Variants in PNPT1 observed in about 807,000 individuals in gnomAD.
PNPT1 encodes polyribonucleotide nucleotidyltransferase 1.
A neutral mutation model predicts 119.5 loss-of-function variants in PNPT1; 53 were observed. The observed-to-expected ratio is 0.44, with a 90% CI of 0.36 to 0.56. PNPT1 has a LOEUF of 0.56. Ranked by LOEUF, PNPT1 falls within the 20% of genes least tolerant of loss-of-function variation. The pLI is 0.00. For synonymous variants in PNPT1, 357 were observed against 322.1 expected, an observed-to-expected ratio of 1.11 and a Z score of -1.16; for missense variants, 948 against 938.5, an observed-to-expected ratio of 1.01 and a Z score of -0.13.
chr2:55,657,752 G>A (rs1005123660), intron 15 of PNPT1, among the ~76,000 whole-genome samples: 2 of 151,206 alleles, frequency 1.3e-5, no homozygotes, highest in African/African-American at 2.4e-5. Flanking sequence ...GAAATAGAGA[G>A]GGGGGAGGAA....
At chr2:55,662,872 G>C (rs1021957924) in intron 13 of PNPT1, among the ~76,000 whole-genome samples, 1 of 144,660 alleles carries the variant, frequency 6.9e-6, no homozygotes, top group Non-Finnish European at 1.5e-5. Flanking sequence ...TGGATTAGCA[G>C]ACAAAAGATT....
chr2:55,683,353 G>A lies in PNPT1; in HGVS notation c.453+432C>T, dbSNP rs149793136. On this transcript the variant is annotated intron_variant, in intron 5 of 27. Transcript: ENST00000447944. Reference sequence around the variant, plus strand: ...CTTTTGGCCAGGCACAGTGGCTCACGCCTGTAATCCTAGCACTTTGGGAGG... The same window carrying A: ...CTTTTGGCCAGGCACAGTGGCTCACACCTGTAATCCTAGCACTTTGGGAGG... 2.6e-5 allele frequency among the ~76,000 whole-genome samples: 4 copies of A among 152,226 alleles called. No individual in the cohort carries two copies. In the South Asian group the frequency reaches 6.2e-4, roughly 24 times the overall value.
intron 8 of PNPT1, among the ~76,000 whole-genome samples, chr2:55,673,814 T>C (rs1696985238): frequency 6.6e-6 from 1 of 152,152 alleles, no homozygotes; most frequent in African/African-American, 2.4e-5. Context: ...TTTGCCAAAG[T>C]GACTTTAGGT....
chr2:55,684,935 T>C lies in PNPT1; in HGVS notation c.403+8A>G, dbSNP rs1285927108. On this transcript the variant is annotated splice_region_variant and intron_variant, in intron 4 of 27. Transcript: ENST00000447944. ...GAGAAGATGAACGCCTCTATGTTAA[T>C]ATCTTACCTATTATTCGACTTGTTA... 6.4e-7 allele frequency: 1 copy of C among 1,557,692 alleles called. No homozygotes were observed. Among genetic ancestry groups the C allele is most frequent in the Non-Finnish European group, 8.7e-7 (1 of 1,143,186 alleles).
chr2:55,658,513 T>A (rs1210271072), intron 15 of PNPT1, among the ~76,000 whole-genome samples: 1 of 152,124 alleles, frequency 6.6e-6, no homozygotes, highest in Non-Finnish European at 1.5e-5. Flanking sequence ...TTTATACAGT[T>A]TTCAGTACCT....
At position 55,687,692 on chromosome 2, in the gene PNPT1, A is replaced by G; in HGVS notation, c.175T>C (p.Ser59Pro). The G allele has an allele frequency of 2.5e-6, 4 of 1,602,748 alleles. No individual in the cohort carries two copies. Among genetic ancestry groups the G allele is most frequent in the Non-Finnish European group, 3.4e-6 (4 of 1,175,812 alleles). Residue 59 changes from serine (S) to proline (P), a missense_variant, in exon 2 of 28, where the codon TCT (serine) becomes CCT (proline). By Grantham distance (74) the Ser-to-Pro change is moderately conservative. Coordinates refer to ENST00000447944, the MANE Select transcript of PNPT1 (RefSeq NM_033109.5). ...GCAAATCTGGCCAGCTTTCCAGAAG[A>G]TATTTCTAATTTCCTGTTTAAAAAT... ...VDLGNRKLEI[S>P]SGKLARFADG...
chr2:55,672,770 TA>T (rs1696953508), intron 9 of PNPT1, 122 bp downstream of exon 9: 3 of 936,870 alleles, frequency 3.2e-6, no homozygotes, highest in Non-Finnish European at 4.7e-6. Flanking sequence ...GAATGACTCT[TA>T]AAACAGAAAA....
chr2:55,672,169 G>A, intron 9 of PNPT1, 123 bp from the exon 10 acceptor site: 6 of 708,628 alleles, frequency 8.5e-6, no homozygotes, highest in Non-Finnish European at 1.1e-5. Context: ...ACTTCAGAAA[G>A]AATTGAAAAT....
intron 13 of PNPT1, among the ~76,000 whole-genome samples, chr2:55,664,333 G>A (rs1696669066): frequency 6.6e-6 from 1 of 152,140 alleles, no homozygotes; most frequent in South Asian, 2.1e-4. Flanking sequence ...GACTGTGAGG[G>A]TCTTATGCCT....
At chr2:55,655,077 T>A in intron 17 of PNPT1, 124 bp from the exon 18 acceptor site, 1 of 909,900 alleles carries the variant, frequency 1.1e-6, no homozygotes, top group Non-Finnish European at 1.7e-6. Flanking sequence ...CTCTTCTTTT[T>A]AAAAGCAACT....
intron 5 of PNPT1, among the ~76,000 whole-genome samples, chr2:55,681,635 G>A (rs536492488): frequency 7.9e-5 from 12 of 151,860 alleles, no homozygotes; most frequent in African/African-American, 2.2e-4. Context: ...ACTTGAGGTC[G>A]GGAGTTCAAG....
intron 5 of PNPT1, among the ~76,000 whole-genome samples, chr2:55,682,644 A>C (rs1697284525): frequency 6.6e-6 from 1 of 152,020 alleles, no homozygotes; most frequent in African/African-American, 2.4e-5. Flanking sequence ...GTGGTGGCTC[A>C]TGTCTGTAAT....
chr2:55,680,948 A>G (rs537890725), intron 5 of PNPT1, 30 bp from the exon 6 acceptor site: 1 of 1,582,542 alleles, frequency 6.3e-7, no homozygotes, highest in Admixed American at 1.7e-5. Context: ...TTGATTTGGA[A>G]GGGTTATCAT....
At position 55,693,665 on chromosome 2, in the gene PNPT1, G is replaced by A. The variant is rs774974954; in HGVS notation, c.159C>T (p.Asn53=). The A allele has an allele frequency of 1.2e-6, 2 of 1,614,200 alleles. No individual in the cohort carries two copies. Among genetic ancestry groups the A allele is most frequent in the East Asian group, 2.2e-5 (1 of 44,884 alleles). Residue 53 remains asparagine (N), a splice_region_variant and synonymous_variant, in exon 1 of 28, where the codon AAC becomes AAT. Coordinates refer to ENST00000447944, the MANE Select transcript of PNPT1 (RefSeq NM_033109.5). ...GSRAVAVDLG[N]RKLEISSGKL... ...AGTGAACGCACGTCACTCCTTACCT[G>A]TTGCCTAAGTCCACGGCCACAGCTC... is the stretch of plus-strand genomic sequence containing the variant.
At chr2:55,677,025 A>G (rs573698300) in intron 8 of PNPT1, among the ~76,000 whole-genome samples, 1 of 152,328 alleles carries the variant, frequency 6.6e-6, no homozygotes, top group South Asian at 2.1e-4. Context: ...GTTAAAATGC[A>G]TATTTGATGC....
intron 1 of PNPT1, among the ~76,000 whole-genome samples, chr2:55,691,573 A>C (rs1027956950): frequency 1.3e-5 from 2 of 152,148 alleles, no homozygotes; most frequent in African/African-American, 2.4e-5. Flanking sequence ...GAAAGAGTCA[A>C]AGTAGATTAT....
rs200847992 is a variant in PNPT1, at chr2:55,672,062, A to T, written c.867-16T>A. On this transcript the variant is annotated splice_polypyrimidine_tract_variant and intron_variant, in intron 9 of 27. Transcript: ENST00000447944. ...CATAGCAAGTCTATTTAAGCAGAAA[A>T]TAAATGTTAGCATAATAATATCTGG... 9.6e-6 allele frequency: 15 copies of T among 1,567,676 alleles called. No individual in the cohort carries two copies. The highest frequency in any genetic ancestry group is 1.2e-5 in the Non-Finnish European group (14 of 1,153,084).
chr2:55,693,787 G>A lies in PNPT1; in HGVS notation c.37C>T (p.Leu13Phe). The change falls in exon 1 of 28, where the codon CTC (leucine) becomes TTC (phenylalanine). Residue 13 changes from leucine to phenylalanine, a missense_variant. Transcript: ENST00000447944. ...AAAGGACCATCGCTCAGGGGCCGGA[G>A]CCGGAGGCACGAGCAGCAGTACCTG... ...ACRYCCSCLR[L>F]RPLSDGPFLL... 1 of 1,614,056 alleles carries A rather than the reference G, an allele frequency of 6.2e-7. No homozygotes were observed. The highest frequency in any genetic ancestry group is 1.1e-5 in the South Asian group (1 of 91,092).
intron 18 of PNPT1, among the ~76,000 whole-genome samples, chr2:55,651,203 G>A (rs1397262379): frequency 4.0e-5 from 6 of 148,510 alleles, no homozygotes; most frequent in Non-Finnish European, 9.0e-5. Context: ...GGTGAGGGGC[G>A]CCTCTGCCCG....
Sources: allele counts gnomAD v4.1 joint callset (sites outside exome capture counted in the v4.1 genomes callset), GRCh38; gene constraint gnomAD v4.1.1; transcripts MANE v1.5; gene names NCBI Gene and HGNC (gene_info 2026-07-23, HGNC 2026-07-21).